GREM2: variants seen among roughly 807,000 people sequenced by gnomAD.
The protein encoded by GREM2 is gremlin-2.
GREM2 carries 11 observed loss-of-function variants against 14.2 expected under a neutral mutation model. That is an observed-to-expected ratio of 0.78 (90% CI 0.49 to 1.28). The LOEUF (loss-of-function observed/expected upper bound fraction) is 1.28, where lower values mean the gene tolerates loss of function less well. GREM2 is among the 50% of genes most tolerant of loss of function. The pLI is 0.00. For synonymous variants in GREM2, 98 were observed against 97.6 expected, an observed-to-expected ratio of 1.00 and a Z score of -0.02; for missense variants, 210 against 218.5, an observed-to-expected ratio of 0.96 and a Z score of 0.24.
At chr1:240,575,518 A>G (rs1338155630) in intron 1 of GREM2, among the ~76,000 whole-genome samples, 1 of 143,654 alleles carries the variant, frequency 7.0e-6, no homozygotes, top group East Asian at 2.1e-4. Flanking sequence ...TTTAATTTTA[A>G]TTTTAATTTT....
chr1:240,502,627 A>G (rs1260001878), intron 1 of GREM2, among the ~76,000 whole-genome samples: 1 of 152,102 alleles, frequency 6.6e-6, no homozygotes, highest in African/African-American at 2.4e-5. Flanking sequence ...ATATGTTCCA[A>G]ATCTTTTCAT....
At chr1:240,544,185 T>C (rs1480984896) in intron 1 of GREM2, among the ~76,000 whole-genome samples, 3 of 151,030 alleles carry the variant, frequency 2.0e-5, no homozygotes, top group Non-Finnish European at 4.4e-5. Context: ...TCTCGCTCTG[T>C]CGCCCAGGCT....
intron 1 of GREM2, among the ~76,000 whole-genome samples, chr1:240,503,306 A>G (rs1288349415): frequency 6.6e-6 from 1 of 152,092 alleles, no homozygotes; most frequent in Non-Finnish European, 1.5e-5. Context: ...ATCTTCTTTC[A>G]TTCCTCACTT....
At chr1:240,507,487 C>T (rs1311881629) in intron 1 of GREM2, among the ~76,000 whole-genome samples, 2 of 152,158 alleles carry the variant, frequency 1.3e-5, no homozygotes, top group Non-Finnish European at 2.9e-5. Context: ...CATGTGCCAC[C>T]ATGCCCGGCT....
intron 1 of GREM2, among the ~76,000 whole-genome samples, chr1:240,522,126 A>G (rs1049255698): frequency 1.3e-5 from 2 of 151,572 alleles, no homozygotes; most frequent in African/African-American, 4.9e-5. Context: ...TCTCCAAAAA[A>G]AAAAAAAAAC....
rs1471043628 is a variant in GREM2 at position 240,575,397 on chromosome 1, TG to T, written c.-2+36486del. On this transcript the variant is annotated intron_variant, in intron 1 of 1. Coordinates refer to ENST00000318160, the MANE Select transcript of GREM2 (RefSeq NM_022469.4). ...ATCAGGCAAGTAAAGCAGACTGGGT[TG>T]GGGGGTGGGGGTGTCACTATGTAAG... Among the ~76,000 whole-genome samples the T allele has an allele frequency of 2.0e-5, 3 of 149,978 alleles. No individual in the cohort carries two copies. The South Asian group carries it at 6.3e-4, about 32-fold the overall frequency.
intron 1 of GREM2, among the ~76,000 whole-genome samples, chr1:240,562,763 GTA>G (rs547093156): frequency 7.2e-5 from 11 of 151,874 alleles, no homozygotes; most frequent in African/African-American, 1.7e-4. Flanking sequence ...ATGTGTGTAT[GTA>G]TATGTGTGTG....
intron 1 of GREM2, among the ~76,000 whole-genome samples, chr1:240,532,380 G>A (rs1678380871): frequency 6.6e-6 from 1 of 152,052 alleles, no homozygotes; most frequent in Admixed American, 6.6e-5. Flanking sequence ...CAGAGTGCCC[G>A]GCCTTGAACT....
chr1:240,547,155 T>C (rs1678742782), intron 1 of GREM2, among the ~76,000 whole-genome samples: 1 of 152,074 alleles, frequency 6.6e-6, no homozygotes, highest in Non-Finnish European at 1.5e-5. Context: ...TGAATGCACA[T>C]AGCCCAGTTA....
chr1:240,582,432 TCA>T (rs952568959), intron 1 of GREM2, among the ~76,000 whole-genome samples: 1 of 151,448 alleles, frequency 6.6e-6, no homozygotes, highest in African/African-American at 2.4e-5. Flanking sequence ...TGAAACTCCA[TCA>T]CACACACACA....
At chr1:240,590,524 G>C (rs976776479) in intron 1 of GREM2, among the ~76,000 whole-genome samples, 2 of 151,606 alleles carry the variant, frequency 1.3e-5, no homozygotes, top group Non-Finnish European at 2.9e-5. Context: ...CTGCCTCCTG[G>C]GTTCAAGCGA....
chr1:240,563,461 C>T (rs16840383), intron 1 of GREM2, among the ~76,000 whole-genome samples: 3,750 of 152,218 alleles, frequency 0.025, 161 homozygotes, highest in African/African-American at 0.086. Context: ...AATGGCATAG[C>T]AAATTGATTT....
intron 1 of GREM2, among the ~76,000 whole-genome samples, chr1:240,573,181 G>T (rs1427823184): frequency 1.3e-5 from 2 of 152,016 alleles, no homozygotes; most frequent in Non-Finnish European, 2.9e-5. Flanking sequence ...ATCAAAACTG[G>T]GCCAGGTGCA....
chr1:240,539,053 T>C (rs1464203196), intron 1 of GREM2, among the ~76,000 whole-genome samples: 1 of 152,178 alleles, frequency 6.6e-6, no homozygotes, highest in Admixed American at 6.5e-5. Context: ...CACCATCTCA[T>C]GCTTATAGAA....
In GREM2 at chr1:240,578,370, C is replaced by T. The variant is rs888887465; in HGVS notation, c.-2+33514G>A. Among the ~76,000 whole-genome samples the T allele has an allele frequency of 2.0e-5, 3 of 152,016 alleles. No individual in the cohort carries two copies. In the East Asian group the frequency reaches 5.9e-4, roughly 30 times the overall value. ...TGAACTCCTGACCTCAAGTGATCTG[C>T]CCACTGTGGCCTCCCAAAATGCTGG... On this transcript the variant is annotated intron_variant, in intron 1 of 1. Transcript: ENST00000318160.
At chr1:240,587,823 C>G (rs943677216) in intron 1 of GREM2, among the ~76,000 whole-genome samples, 1 of 152,206 alleles carries the variant, frequency 6.6e-6, no homozygotes, top group Admixed American at 6.5e-5. Flanking sequence ...CCTACCTATG[C>G]TAGATTCTGA....
Position 240,563,194 on chromosome 1 carries a change from A to AGT in GREM2, c.-2+48688_-2+48689dup, listed in dbSNP as rs761054784. On this transcript the variant is annotated intron_variant, in intron 1 of 1. Coordinates refer to ENST00000318160, the MANE Select transcript of GREM2 (RefSeq NM_022469.4). ...GAGTGTGTGTATGTGTACGTGTGTG[A>AGT]GTGTGTGTAAGTGAGTGTGTGTTTG... 5.6e-4 allele frequency among the ~76,000 whole-genome samples: 83 copies of AGT among 148,000 alleles called. 1 individual carries two copies. Among genetic ancestry groups the AGT allele is most frequent in the Admixed American group, 4.8e-3 (72 of 14,946 alleles).
At chr1:240,532,238 C>T (rs1412567304) in intron 1 of GREM2, among the ~76,000 whole-genome samples, 1 of 152,078 alleles carries the variant, frequency 6.6e-6, no homozygotes, top group African/African-American at 2.4e-5. Context: ...TGCACGCCAC[C>T]ATGCCCAGCT....
chr1:240,582,076 G>A (rs1258038547), intron 1 of GREM2, among the ~76,000 whole-genome samples: 1 of 152,234 alleles, frequency 6.6e-6, no homozygotes, highest in Non-Finnish European at 1.5e-5. Flanking sequence ...TCCAACAAGT[G>A]TTCAGGTGAT....
Sources: allele counts gnomAD v4.1 joint callset (sites outside exome capture counted in the v4.1 genomes callset), GRCh38; gene constraint gnomAD v4.1.1; transcripts MANE v1.5; gene names NCBI Gene and HGNC (gene_info 2026-07-23, HGNC 2026-07-21).